SLC16A14: variants seen among roughly 807,000 people sequenced by gnomAD.
SLC16A14 encodes the protein monocarboxylate transporter 14.
A neutral mutation model predicts 35.8 loss-of-function variants in SLC16A14; 14 were observed. That is an observed-to-expected ratio of 0.39 (90% CI 0.26 to 0.61). The LOEUF (loss-of-function observed/expected upper bound fraction) is 0.61, where lower values mean the gene tolerates loss of function less well. SLC16A14 is among the 20% of genes least tolerant of loss of function. The pLI, the probability that SLC16A14 is intolerant of heterozygous loss-of-function variation, is 0.51. For missense variants in SLC16A14, 533 were observed against 655.0 expected (o/e 0.81, Z 2.03); for synonymous variants, 248 against 258.9 (o/e 0.96, Z 0.40).
intron 2 of SLC16A14, among the ~76,000 whole-genome samples, chr2:230,058,042 T>A (rs202101803): frequency 2.7e-3 from 212 of 79,876 alleles, no homozygotes; most frequent in African/African-American, 0.01. Flanking sequence ...AAAAAAAAAA[T>A]ATATCAGAAC....
intron 2 of SLC16A14, among the ~76,000 whole-genome samples, chr2:230,050,145 T>C (rs1452671440): frequency 6.6e-6 from 1 of 152,248 alleles, no homozygotes; most frequent in Non-Finnish European, 1.5e-5. Flanking sequence ...TAGACATTCA[T>C]TCTTTCATCT....
intron 2 of SLC16A14, among the ~76,000 whole-genome samples, chr2:230,055,990 C>A (rs960074250): frequency 1.3e-5 from 2 of 152,198 alleles, no homozygotes; most frequent in African/African-American, 4.8e-5. Flanking sequence ...AACCTACCTG[C>A]GTGTTTCCTA....
At position 230,037,466 on chromosome 2, in the gene SLC16A14, T is replaced by A. The variant is rs758958061; in HGVS notation, c.1447A>T (p.Ile483Leu). The change falls in exon 5 of 5, where the codon ATA (isoleucine) becomes TTA (leucine). Residue 483 changes from isoleucine (I) to leucine (L), a missense_variant. Ile to Leu is a conservative substitution (Grantham distance 5). Transcript: ENST00000295190. ...SFYICGLLYMIGILFLLIQPC... is the reference protein window; with the variant it reads ...SFYICGLLYMLGILFLLIQPC... ...TGAATAAGTAAAAAGAGTATTCCTA[T>A]CATGTAAAGCAAACCACATATGTAG... 1.2e-6 allele frequency: 2 copies of A among 1,612,970 alleles called. No homozygotes were observed. The highest frequency in any genetic ancestry group is 1.7e-6 in the Non-Finnish European group (2 of 1,179,760).
chr2:230,062,831 A>T (rs1237068459), intron 1 of SLC16A14, among the ~76,000 whole-genome samples: 3 of 152,030 alleles, frequency 2.0e-5, no homozygotes, highest in African/African-American at 7.2e-5. Flanking sequence ...TCTCATTATT[A>T]TTTTTACATT....
rs756192967 is a variant in SLC16A14 at position 230,046,615 on chromosome 2, C to A, written c.511G>T (p.Gly171Cys). 4.3e-6 allele frequency: 7 copies of A among 1,612,766 alleles called. No homozygotes were observed. In the Admixed American group the frequency reaches 1.2e-4, roughly 27 times the overall value. Residue 171 changes from glycine (G) to cysteine (C), a missense_variant, in exon 4 of 5, where the codon GGT becomes TGT. By Grantham distance (159) the Gly-to-Cys change is radical (BLOSUM62 -3). Transcript: ENST00000295190. This position sits in a 1 kb window ranked among gnomAD's most constrained non-coding sequence, Gnocchi z 5.0. Reference protein sequence around the residue: ...QGLSTTGTGFGTFLMTVLLKY... With the variant: ...QGLSTTGTGFCTFLMTVLLKY... Reference sequence around the variant, plus strand: ...AGCAGCACAGTCATTAGGAACGTACCGAATCCGGTCCCCGTGGTGCTGAGG... The same window carrying A: ...AGCAGCACAGTCATTAGGAACGTACAGAATCCGGTCCCCGTGGTGCTGAGG...
intron 1 of SLC16A14, among the ~76,000 whole-genome samples, chr2:230,060,346 G>T (rs770063150): frequency 1.3e-5 from 2 of 152,096 alleles, no homozygotes; most frequent in Non-Finnish European, 2.9e-5. Flanking sequence ...CTCCTCTTTT[G>T]TTTGTTTGTT....
chr2:230,049,052 T>TTTATTATTATTATTATTATTA (rs60075593), intron 3 of SLC16A14, among the ~76,000 whole-genome samples: 5 of 141,604 alleles, frequency 3.5e-5, no homozygotes, highest in African/African-American at 1.3e-4. Flanking sequence ...CACAGGAGGC[T>TTTATTATTATTATTATTATTA]TTATTATTAT....
chr2:230,046,230 T>C lies in SLC16A14; in HGVS notation c.896A>G (p.Asp299Gly). 1 of 1,614,184 alleles carries C rather than the reference T, an allele frequency of 6.2e-7. No individual in the cohort carries two copies. Among genetic ancestry groups the C allele is most frequent in the Non-Finnish European group, 8.5e-7 (1 of 1,180,026 alleles). ...TGTCCCAAAGTAGCCCGAATACCAG[T>C]CCTCGAAGCCCTTCCTGACTCTCAT... ...LTMRVRKGFE[D>G]WYSGYFGTAS... The change falls in exon 4 of 5, where the codon GAC becomes GGC. Residue 299 changes from aspartate to glycine, a missense_variant. By Grantham distance (94) the Asp-to-Gly change is moderately conservative. Transcript: ENST00000295190. This position sits in a 1 kb window ranked among gnomAD's most constrained non-coding sequence, Gnocchi z 5.0.
intron 2 of SLC16A14, among the ~76,000 whole-genome samples, chr2:230,052,093 T>C (rs6436895): frequency 0.86 from 131,185 of 151,708 alleles, 57,479 homozygotes; most frequent in East Asian, 0.99. Flanking sequence ...CACGCCACCA[T>C]GCCTGGCTAA....
intron 1 of SLC16A14, chr2:230,066,788 C>T (rs116273393): frequency 0.013 from 4,185 of 326,240 alleles, 186 homozygotes; most frequent in African/African-American, 0.09. Flanking sequence ...GTGTGTGCCA[C>T]TGCATCTTTA....
chr2:230,046,808 C>T lies in SLC16A14; in HGVS notation c.404-86G>A. On this transcript the variant is annotated intron_variant, in intron 3 of 4. Transcript: ENST00000295190. This position sits in a 1 kb window ranked among gnomAD's most constrained non-coding sequence, Gnocchi z 5.0. ...TTCGCAGCAAAGATCACCTGCATTT[C>T]CTTAATTAGCATCTATTTATGCTTT... The T allele has an allele frequency of 7.1e-7, 1 of 1,401,036 alleles. No individual in the cohort carries two copies. The highest frequency in any genetic ancestry group is 9.5e-7 in the Non-Finnish European group (1 of 1,049,050). The allele number at this position is 1,401,036 out of a possible 1,614,324, so 86.8% of individuals were successfully genotyped here. A position where few individuals can be genotyped will look rare whatever the true frequency, so the allele number is the denominator to read the frequency against.
At chr2:230,048,935 A>AAAAAC (rs2077632032) in intron 3 of SLC16A14, among the ~76,000 whole-genome samples, 1 of 131,886 alleles carries the variant, frequency 7.6e-6, no homozygotes, top group Non-Finnish European at 1.6e-5. Flanking sequence ...AAAAAAAAAA[A>AAAAAC]AAAAAAAAAA....
At chr2:230,048,806 C>A (rs962470925) in intron 3 of SLC16A14, among the ~76,000 whole-genome samples, 28 of 150,640 alleles carry the variant, frequency 1.9e-4, no homozygotes, top group African/African-American at 6.8e-4. Context: ...GCCTGTAATC[C>A]CAGCTACTTG....
chr2:230,062,702 G>A (rs995370732), intron 1 of SLC16A14, among the ~76,000 whole-genome samples: 6 of 152,164 alleles, frequency 3.9e-5, no homozygotes, highest in African/African-American at 7.2e-5. Flanking sequence ...TAGAGCATTC[G>A]TTCTGGCTAA....
At chr2:230,044,726 GTGTGTGTGTGTA>G (rs71049617) in intron 4 of SLC16A14, among the ~76,000 whole-genome samples, 3,138 of 102,966 alleles carry the variant, frequency 0.03, 49 homozygotes, top group African/African-American at 0.05. Context: ...GTGTGTGTGT[GTGTGTGTGTGTA>G]TGTGTGTGTG....
intron 3 of SLC16A14, among the ~76,000 whole-genome samples, chr2:230,048,891 C>A (rs539682721): frequency 7.7e-6 from 1 of 129,066 alleles, no homozygotes; most frequent in African/African-American, 3.1e-5. Context: ...CCATTATACT[C>A]CAGCCTGGGC....
chr2:230,067,563 T>TCA (rs1256741833), intron 1 of SLC16A14, among the ~76,000 whole-genome samples: 10 of 48,914 alleles, frequency 2.0e-4, no homozygotes, highest in South Asian at 1.0e-3. Context: ...TCTCTCTCTC[T>TCA]CTCTCTCTCA....
chr2:230,062,838 C>A (rs2077761773), intron 1 of SLC16A14, among the ~76,000 whole-genome samples: 2 of 152,176 alleles, frequency 1.3e-5, no homozygotes, highest in Admixed American at 1.3e-4. Context: ...ATTATTTTTA[C>A]ATTTTAAATT....
At chr2:230,049,052 T>TTTATTATTA (rs60075593) in intron 3 of SLC16A14, among the ~76,000 whole-genome samples, 9,484 of 141,530 alleles carry the variant, frequency 0.067, 786 homozygotes, top group African/African-American at 0.19. Context: ...CACAGGAGGC[T>TTTATTATTA]TTATTATTAT....
Sources: gnomAD v4.1 joint callset for allele counts (sites outside exome capture counted in the v4.1 genomes callset) on GRCh38, gnomAD v4.1.1 for gene constraint, Gnocchi (gnomAD v3.1) non-coding constraint, MANE v1.5 for transcripts, NCBI Gene and HGNC (gene_info 2026-07-23, HGNC 2026-07-21) for gene names.